The following GTF3C1 variants were observed in gnomAD, a reference collection of about 807,000 sequenced individuals.
The protein encoded by GTF3C1 is general transcription factor IIIC subunit 1, also known as general transcription factor 3C polypeptide 1.
A neutral mutation model predicts 226.7 loss-of-function variants in GTF3C1; 57 were observed. The ratio of observed to expected loss-of-function variants is 0.25; its 90% CI spans 0.20 to 0.31. The LOEUF (loss-of-function observed/expected upper bound fraction) is 0.31. Among genes scored for constraint, GTF3C1 ranks in the 10% least tolerant of loss-of-function variants. GTF3C1 has a pLI of 1.00. For synonymous variants in GTF3C1, 1,090 were observed against 1,084.8 expected, an observed-to-expected ratio of 1.00 and a Z score of -0.09; for missense variants, 2,217 against 2,776.1, an observed-to-expected ratio of 0.80 and a Z score of 4.53.
intron 6 of GTF3C1, among the ~76,000 whole-genome samples, chr16:27,525,177 G>GA (rs1461904569): frequency 3.6e-5 from 5 of 138,058 alleles, no homozygotes; most frequent in African/African-American, 1.3e-4. Flanking sequence ...GAAAAGAAAA[G>GA]AAAGAAATAA....
chr16:27,496,209 C>G (rs771502222), intron 14 of GTF3C1, among the ~76,000 whole-genome samples: 14 of 152,134 alleles, frequency 9.2e-5, no homozygotes, highest in Non-Finnish European at 1.8e-4. Context: ...CTCAGTAGAA[C>G]CCAAGCAAAT....
At chr16:27,478,565 C>T (rs1270320486) in intron 27 of GTF3C1, 34 bp from the exon 28 acceptor site, 1 of 1,448,782 alleles carries the variant, frequency 6.9e-7, no homozygotes, top group Non-Finnish European at 9.7e-7. Context: ...GTCAGTGAAA[C>T]AAAACAGCTC....
In GTF3C1 at chr16:27,511,918, G is replaced by A. The variant is rs199513582; in HGVS notation, c.974-17C>T. ...CGTCGGTCCCTGGCAACACAAGCAC[G>A]GGTTTGCCAGCAATGAGTGAAAGCA... On this transcript the variant is annotated splice_polypyrimidine_tract_variant and intron_variant, in intron 6 of 36. Transcript: ENST00000356183. 1.0e-4 allele frequency: 164 copies of A among 1,613,208 alleles called. No individual in the cohort carries two copies. The highest frequency in any genetic ancestry group is 3.3e-4 in the Middle Eastern group (2 of 5,978).
intron 6 of GTF3C1, among the ~76,000 whole-genome samples, chr16:27,523,001 C>T (rs1234642405): frequency 2.0e-5 from 3 of 151,998 alleles, no homozygotes; most frequent in African/African-American, 7.3e-5. Flanking sequence ...CGATCTCATT[C>T]ACAGCTACTT....
In GTF3C1 at chr16:27,525,535, C is replaced by T. The variant is rs968209329; in HGVS notation, c.973+3063G>A. On this transcript the variant is annotated intron_variant, in intron 6 of 36. Transcript: ENST00000356183. ...ATACCATCTCCTCCACAAGACTTTT[C>T]TCAGACACAGGGAAGCCAGACAGGT... Among the ~76,000 whole-genome samples the T allele has an allele frequency of 9.8e-5, 15 of 152,346 alleles. 1 individual carries two copies. Among genetic ancestry groups the T allele is most frequent in the African/African-American group, 3.6e-4 (15 of 41,588 alleles).
intron 7 of GTF3C1, among the ~76,000 whole-genome samples, chr16:27,510,632 G>GAGCT (rs2141409496): frequency 6.6e-6 from 1 of 152,290 alleles, no homozygotes; most frequent in Admixed American, 6.5e-5. Context: ...GACGTCAAGG[G>GAGCT]AGCTACCAAA....
chr16:27,500,582 A>G (rs1477960692), intron 12 of GTF3C1, among the ~76,000 whole-genome samples: 3 of 152,186 alleles, frequency 2.0e-5, no homozygotes, highest in Admixed American at 6.5e-5. Flanking sequence ...TCCCCACACA[A>G]CCATTCCCTT....
In GTF3C1 at chr16:27,466,056, T is replaced by G. The variant is rs932384728; in HGVS notation, c.5075-516A>C. 12 of 160,910 alleles carry G rather than the reference T, an allele frequency of 7.5e-5. No homozygotes were observed. The South Asian group carries it at 2.1e-3, about 28-fold the overall frequency. 10.0% of individuals were successfully genotyped at this position (160,910 alleles called of 1,614,324 possible). A position where few individuals can be genotyped will look rare whatever the true frequency, so the allele number is the denominator to read the frequency against. ...TGCTAAAGCCATAATTGATAGGTTA[T>G]CACTACATTTTTGCCCAGTCCAAAC... On this transcript the variant is annotated intron_variant, in intron 32 of 36. Coordinates refer to ENST00000356183, the MANE Select transcript of GTF3C1 (RefSeq NM_001520.4).
At chr16:27,511,685 C>A in intron 7 of GTF3C1, 64 bp downstream of exon 7, 1 of 1,552,742 alleles carries the variant, frequency 6.4e-7, no homozygotes, top group Non-Finnish European at 8.9e-7. Context: ...GACATGTGGG[C>A]AAAGCGCTTC....
intron 29 of GTF3C1, among the ~76,000 whole-genome samples, chr16:27,474,090 C>T (rs1470365752): frequency 2.6e-5 from 4 of 152,224 alleles, no homozygotes; most frequent in Non-Finnish European, 5.9e-5. Context: ...CTGCAGCCTT[C>T]CACTGGCTTC....
At chr16:27,478,016 C>A (rs1488829784) in intron 28 of GTF3C1, among the ~76,000 whole-genome samples, 2 of 152,056 alleles carry the variant, frequency 1.3e-5, no homozygotes, top group African/African-American at 4.8e-5. Context: ...CTAAAAAATA[C>A]AAAAATTAGC....
intron 27 of GTF3C1, 170 bp downstream of exon 27, chr16:27,480,909 C>CAG: frequency 1.6e-6 from 1 of 612,682 alleles, no homozygotes; most frequent in Non-Finnish European, 2.9e-6. Context: ...TGCTAGGTCC[C>CAG]ATTCTGTGTT....
intron 1 of GTF3C1, 74 bp from the exon 2 acceptor site, chr16:27,545,597 A>G: frequency 3.5e-6 from 3 of 845,224 alleles, no homozygotes. Context: ...TGTTCTTTTG[A>G]CAACCTCCAG....
intron 9 of GTF3C1, 89 bp from the exon 10 acceptor site, chr16:27,506,205 A>C: frequency 2.9e-6 from 2 of 694,866 alleles, no homozygotes; most frequent in Non-Finnish European, 5.0e-6. Context: ...ACACAGGCCA[A>C]AGGATTCTGC....
chr16:27,533,103 G>A (rs1187408020), intron 5 of GTF3C1, among the ~76,000 whole-genome samples, 188 bp downstream of exon 5: 2 of 152,116 alleles, frequency 1.3e-5, no homozygotes, highest in African/African-American at 4.8e-5. Flanking sequence ...CCGCACCCCA[G>A]CCAGGGCAAC....
chr16:27,475,768 G>A (rs1039008842), intron 29 of GTF3C1, among the ~76,000 whole-genome samples: 2 of 152,156 alleles, frequency 1.3e-5, no homozygotes, highest in Admixed American at 6.5e-5. Context: ...CACTGCCCAC[G>A]GAAAGGCAGC....
At chr16:27,523,889 G>A (rs866383470) in intron 6 of GTF3C1, among the ~76,000 whole-genome samples, 5 of 152,144 alleles carry the variant, frequency 3.3e-5, no homozygotes, top group South Asian at 4.1e-4. Flanking sequence ...ATGGCTCCTT[G>A]TGCATGCATG....
Position 27,471,408 on chromosome 16 carries a change from G to A in GTF3C1, c.4526+340C>T, listed in dbSNP as rs1054482713. Among the ~76,000 whole-genome samples the A allele has an allele frequency of 6.6e-6, 1 of 152,242 alleles. No individual in the cohort carries two copies. The highest frequency in any genetic ancestry group is 2.4e-5 in the African/African-American group (1 of 41,456). ...GCTTCCCAGGTCTCAGGGCTACGCGGAAGAGGGACTGAGGCTATGCTGGAA... is the reference window on the plus strand; with the variant it reads ...GCTTCCCAGGTCTCAGGGCTACGCGAAAGAGGGACTGAGGCTATGCTGGAA... On this transcript the variant is annotated intron_variant, in intron 30 of 36. Transcript: ENST00000356183. The surrounding 1 kb of genome is among the most constrained non-coding windows in gnomAD (Gnocchi z 5.0).
In GTF3C1 at chr16:27,461,843, C is replaced by T; in HGVS notation, c.6118-281G>A. The T allele has an allele frequency of 2.2e-6, 1 of 453,284 alleles. No individual in the cohort carries two copies. Among genetic ancestry groups the T allele is most frequent in the Non-Finnish European group, 4.0e-6 (1 of 251,066 alleles). 28.1% of individuals were successfully genotyped at this position (453,284 alleles called of 1,614,324 possible). Reference sequence around the variant, plus strand: ...AGAGGCCTGCAGCGCGGGATAAATCCCAGCTTCCTGTGAGCCAAGACTGGC... The same window carrying T: ...AGAGGCCTGCAGCGCGGGATAAATCTCAGCTTCCTGTGAGCCAAGACTGGC... On this transcript the variant is annotated intron_variant, in intron 36 of 36. Coordinates refer to ENST00000356183, the MANE Select transcript of GTF3C1 (RefSeq NM_001520.4). The surrounding 1 kb of genome is among the most constrained non-coding windows in gnomAD (Gnocchi z 5.3).
Sources: gnomAD v4.1 joint callset for allele counts (sites outside exome capture counted in the v4.1 genomes callset) on GRCh38, gnomAD v4.1.1 for gene constraint, Gnocchi (gnomAD v3.1) non-coding constraint, MANE v1.5 for transcripts, NCBI Gene and HGNC (gene_info 2026-07-23, HGNC 2026-07-21) for gene names.